Variants in SLC39A11 observed in about 807,000 individuals in gnomAD.
The protein encoded by SLC39A11 is solute carrier family 39 member 11.
Under a neutral mutation model 36.1 loss-of-function variants are expected in SLC39A11, and 33 were observed. The ratio of observed to expected loss-of-function variants is 0.91; its 90% CI spans 0.69 to 1.22. The LOEUF is 1.22. SLC39A11 is among the 50% of genes most tolerant of loss of function. SLC39A11 has a pLI of 0.00. For synonymous variants in SLC39A11, 166 were observed against 170.3 expected, an observed-to-expected ratio of 0.97 and a Z score of 0.20; for missense variants, 432 against 430.3, an observed-to-expected ratio of 1.00 and a Z score of -0.03.
At chr17:72,661,500 T>A (rs1048905423) in intron 7 of SLC39A11, among the ~76,000 whole-genome samples, 1 of 152,212 alleles carries the variant, frequency 6.6e-6, no homozygotes, top group African/African-American at 2.4e-5. Context: ...GATCCTCCCA[T>A]GTGCGATGAG....
chr17:73,073,044 G>C (rs771591552), intron 3 of SLC39A11, among the ~76,000 whole-genome samples: 2 of 152,202 alleles, frequency 1.3e-5, no homozygotes, highest in Non-Finnish European at 2.9e-5. Flanking sequence ...GCTGGACGTG[G>C]TGGCAGGCGT....
chr17:72,709,670 T>C (rs2073037258), intron 7 of SLC39A11, among the ~76,000 whole-genome samples: 1 of 152,256 alleles, frequency 6.6e-6, no homozygotes, highest in Admixed American at 6.5e-5. Context: ...GAGAGAGAAC[T>C]TTCCAGGTTC....
At chr17:73,071,179 A>T (rs972605807) in intron 3 of SLC39A11, among the ~76,000 whole-genome samples, 1 of 152,196 alleles carries the variant, frequency 6.6e-6, no homozygotes, top group African/African-American at 2.4e-5. Context: ...ACCATCAAGG[A>T]CATGAGGCCA....
chr17:72,935,677 G>A (rs530323765), intron 5 of SLC39A11, among the ~76,000 whole-genome samples: 170 of 152,244 alleles, frequency 1.1e-3, no homozygotes, highest in African/African-American at 3.7e-3. Context: ...CCCGGGTCCC[G>A]GTTCAAGCAA....
At chr17:72,955,873 TA>T (rs1470693686) in intron 4 of SLC39A11, among the ~76,000 whole-genome samples, 1 of 151,960 alleles carries the variant, frequency 6.6e-6, no homozygotes, top group African/African-American at 2.4e-5. Context: ...TTAAAAGAAT[TA>T]ACGATTTTCT....
intron 4 of SLC39A11, among the ~76,000 whole-genome samples, chr17:73,004,394 G>A (rs1270275900): frequency 2.0e-5 from 3 of 152,160 alleles, no homozygotes; most frequent in Non-Finnish European, 4.4e-5. Flanking sequence ...TCTTCTTGCC[G>A]TGTCCTCACA....
chr17:72,758,421 C>T (rs1410304874), intron 6 of SLC39A11, among the ~76,000 whole-genome samples: 1 of 152,182 alleles, frequency 6.6e-6, no homozygotes, highest in Non-Finnish European at 1.5e-5. Context: ...ACAGAATTCT[C>T]ATTTTGTTCG....
At chr17:72,996,658 A>G (rs544768874) in intron 4 of SLC39A11, among the ~76,000 whole-genome samples, 1 of 152,200 alleles carries the variant, frequency 6.6e-6, no homozygotes, top group Admixed American at 6.5e-5. Context: ...CATGAGTCAT[A>G]TTGGATTTAT....
chr17:72,667,535 T>C (rs1598284623), intron 7 of SLC39A11, among the ~76,000 whole-genome samples: 1 of 152,190 alleles, frequency 6.6e-6, no homozygotes, highest in Non-Finnish European at 1.5e-5. Flanking sequence ...AAGTGCAGGG[T>C]GCATGGCCAG....
At chr17:72,862,104 G>A (rs2080071153) in intron 5 of SLC39A11, among the ~76,000 whole-genome samples, 1 of 152,044 alleles carries the variant, frequency 6.6e-6, no homozygotes, top group South Asian at 2.1e-4. Flanking sequence ...TTTTTATTGA[G>A]TCAGGGGCCA....
At chr17:73,056,439 G>C (rs929526501) in intron 3 of SLC39A11, among the ~76,000 whole-genome samples, 1 of 152,166 alleles carries the variant, frequency 6.6e-6, no homozygotes, top group Non-Finnish European at 1.5e-5. Flanking sequence ...AAAATGCTGA[G>C]TTTACAGGCA....
chr17:72,919,741 T>C (rs1274191588), intron 5 of SLC39A11, among the ~76,000 whole-genome samples: 1 of 149,394 alleles, frequency 6.7e-6, no homozygotes, highest in African/African-American at 2.5e-5. Flanking sequence ...CCTGTGATGA[T>C]GACCCCGCGT....
intron 7 of SLC39A11, among the ~76,000 whole-genome samples, chr17:72,678,241 G>T (rs1280684077): frequency 1.3e-5 from 2 of 152,176 alleles, no homozygotes; most frequent in Admixed American, 6.5e-5. Context: ...TGCCTTGTGG[G>T]TTATGTAAAG....
At chr17:72,746,475 G>T (rs141749284) in intron 6 of SLC39A11, among the ~76,000 whole-genome samples, 1 of 152,220 alleles carries the variant, frequency 6.6e-6, no homozygotes, top group East Asian at 1.9e-4. Flanking sequence ...AATTGGCCAG[G>T]TGCAGTGGCT....
chr17:72,710,731 A>G (rs138393316), intron 7 of SLC39A11, among the ~76,000 whole-genome samples: 2 of 152,330 alleles, frequency 1.3e-5, no homozygotes, highest in East Asian at 3.9e-4. Flanking sequence ...TATTTCCAAG[A>G]AGCCACGTAG....
intron 6 of SLC39A11, among the ~76,000 whole-genome samples, chr17:72,784,129 G>A (rs2144934898): frequency 6.6e-6 from 1 of 152,290 alleles, no homozygotes; most frequent in Non-Finnish European, 1.5e-5. Context: ...AAGATCACTT[G>A]AGGTCAGGAG....
At chr17:73,070,454 C>T (rs1441326384) in intron 3 of SLC39A11, among the ~76,000 whole-genome samples, 1 of 152,182 alleles carries the variant, frequency 6.6e-6, no homozygotes, top group Non-Finnish European at 1.5e-5. Context: ...GACCTGAACC[C>T]TAAGCATTAA....
chr17:72,905,172 C>CAAAAAAAAAAAAAAAAAAAA (rs58702930), intron 5 of SLC39A11, among the ~76,000 whole-genome samples: 1 of 42,918 alleles, frequency 2.3e-5, no homozygotes, highest in Non-Finnish European at 4.0e-5. Context: ...GACTCCATCT[C>CAAAAAAAAAAAAAAAAAAAA]AAAAAAAAAA....
At chr17:72,694,977 T>C (rs969378972) in intron 7 of SLC39A11, among the ~76,000 whole-genome samples, 18 of 138,840 alleles carry the variant, frequency 1.3e-4, no homozygotes, top group Non-Finnish European at 2.6e-4. Flanking sequence ...TAGTTGAGCA[T>C]AGACCTTCCC....
Sources: allele counts gnomAD v4.1 joint callset (sites outside exome capture counted in the v4.1 genomes callset), GRCh38; gene constraint gnomAD v4.1.1; transcripts MANE v1.5; gene names NCBI Gene and HGNC (gene_info 2026-07-23, HGNC 2026-07-21).